The following ADARB2 variants were observed in gnomAD, a reference collection of about 807,000 sequenced individuals.
ADARB2 encodes the protein inactive double-stranded RNA-specific editase B2.
In ADARB2, 25 loss-of-function variants were observed where a neutral mutation model predicts 62.2. The observed-to-expected ratio is 0.40, with a 90% confidence interval of 0.29 to 0.56. ADARB2 has a LOEUF of 0.56. ADARB2 is among the 20% of genes least tolerant of loss of function. The pLI, the probability that ADARB2 is intolerant of heterozygous loss-of-function variation, is 0.43. For missense variants in ADARB2, 1,071 were observed against 1,077.4 expected (o/e 0.99, Z 0.08); for synonymous variants, 572 against 500.8 (o/e 1.14, Z -1.90).
rs1417423831 is a variant in ADARB2, at chr10:1,179,071, T to C, written c.*4122A>G. ...TTATGTACGTCTCAAATGTCTTCAG[T>C]TGTTTTAAACAATACACTATAGACA... On this transcript the variant is annotated 3_prime_UTR_variant, in exon 10 of 10. Coordinates refer to ENST00000381312, the MANE Select transcript of ADARB2 (RefSeq NM_018702.4). 1 of 152,242 alleles carries C rather than the reference T, an allele frequency of 6.6e-6. No homozygotes were observed. Among genetic ancestry groups the C allele is most frequent in the Non-Finnish European group, 1.5e-5 (1 of 68,046 alleles). The allele number at this position is 152,242 out of a possible 1,614,324, so 9.4% of individuals were successfully genotyped here. A position where few individuals can be genotyped will look rare whatever the true frequency, so the allele number is the denominator to read the frequency against.
At chr10:1,481,086 A>G (rs1354759792) in intron 1 of ADARB2, among the ~76,000 whole-genome samples, 1 of 152,250 alleles carries the variant, frequency 6.6e-6, no homozygotes, top group African/African-American at 2.4e-5. Flanking sequence ...CAAAGCTACA[A>G]ATCAAAACAG....
chr10:1,579,485 A>T (rs11250640), intron 1 of ADARB2, among the ~76,000 whole-genome samples: 29,877 of 152,102 alleles, frequency 0.2, 3,327 homozygotes, highest in East Asian at 0.38. Context: ...ACTCAGCTGT[A>T]AAGAGTACAT....
chr10:1,430,630 C>T (rs954631281), intron 1 of ADARB2, among the ~76,000 whole-genome samples: 1 of 152,030 alleles, frequency 6.6e-6, no homozygotes, highest in African/African-American at 2.4e-5. Flanking sequence ...ATAGCAGCTA[C>T]TTGGGAGGCT....
intron 2 of ADARB2, among the ~76,000 whole-genome samples, chr10:1,372,937 GA>G (rs1832385899): frequency 6.6e-6 from 1 of 152,080 alleles, no homozygotes; most frequent in African/African-American, 2.4e-5. Context: ...TCTAACCAAG[GA>G]GATGAAAGAT....
At chr10:1,272,114 C>A (rs1831268491) in intron 3 of ADARB2, among the ~76,000 whole-genome samples, 1 of 152,214 alleles carries the variant, frequency 6.6e-6, no homozygotes, top group African/African-American at 2.4e-5. Flanking sequence ...TCATTATCAT[C>A]ATCTCCCCCA....
intron 1 of ADARB2, among the ~76,000 whole-genome samples, chr10:1,681,430 T>G (rs1472120744): frequency 6.6e-6 from 1 of 152,038 alleles, no homozygotes. Context: ...CATTTCTTCC[T>G]GTGACGAGAA....
intron 7 of ADARB2, chr10:1,215,689 C>G (rs1837223796): frequency 6.6e-6 from 1 of 152,256 alleles, no homozygotes; most frequent in African/African-American, 2.4e-5. Context: ...CAAGGGTGTT[C>G]TGGGTCCCTC....
intron 3 of ADARB2, among the ~76,000 whole-genome samples, chr10:1,293,976 G>T (rs1331782338): frequency 6.6e-6 from 1 of 151,972 alleles, no homozygotes; most frequent in Admixed American, 6.5e-5. Flanking sequence ...TTGCAGGGGG[G>T]CGGGGGCATG....
At chr10:1,376,505 G>A (rs923980938) in intron 2 of ADARB2, among the ~76,000 whole-genome samples, 1 of 152,172 alleles carries the variant, frequency 6.6e-6, no homozygotes, top group Non-Finnish European at 1.5e-5. Context: ...CCCAGTGTGG[G>A]GGTTCTTATG....
chr10:1,517,326 T>G (rs1054902332), intron 1 of ADARB2, among the ~76,000 whole-genome samples: 2 of 152,230 alleles, frequency 1.3e-5, no homozygotes, highest in Non-Finnish European at 2.9e-5. Flanking sequence ...TGTCCTTCTT[T>G]ATATTCTCAC....
chr10:1,323,324 A>C (rs965358279), intron 3 of ADARB2, among the ~76,000 whole-genome samples: 1 of 152,084 alleles, frequency 6.6e-6, no homozygotes, highest in Non-Finnish European at 1.5e-5. Flanking sequence ...AAATCAAAGA[A>C]GACCTAAATT....
intron 1 of ADARB2, among the ~76,000 whole-genome samples, chr10:1,518,118 GT>G (rs1457602748): frequency 1.3e-5 from 2 of 152,192 alleles, no homozygotes; most frequent in Admixed American, 6.5e-5. Context: ...AGGCCAACCC[GT>G]TAGAAAAGCA....
At chr10:1,315,602 AG>A (rs1310301465) in intron 3 of ADARB2, among the ~76,000 whole-genome samples, 4 of 152,200 alleles carry the variant, frequency 2.6e-5, no homozygotes, top group African/African-American at 9.6e-5. Flanking sequence ...CCAGGAAGGG[AG>A]GTGCCGTGGT....
At chr10:1,511,976 T>C (rs1212459824) in intron 1 of ADARB2, among the ~76,000 whole-genome samples, 2 of 145,172 alleles carry the variant, frequency 1.4e-5, no homozygotes, top group African/African-American at 2.6e-5. Flanking sequence ...GCTGTCTACA[T>C]TGGATACTAA....
chr10:1,490,736 T>G (rs1831611529), intron 1 of ADARB2, among the ~76,000 whole-genome samples: 1 of 152,220 alleles, frequency 6.6e-6, no homozygotes, highest in Non-Finnish European at 1.5e-5. Context: ...ATCACCCGCC[T>G]GAGCCAAGAC....
At chr10:1,665,854 A>G (rs942080436) in intron 1 of ADARB2, among the ~76,000 whole-genome samples, 2 of 152,166 alleles carry the variant, frequency 1.3e-5, no homozygotes, top group Non-Finnish European at 2.9e-5. Flanking sequence ...GGTTTGCAGC[A>G]TCTCAGGGCT....
intron 1 of ADARB2, among the ~76,000 whole-genome samples, chr10:1,654,004 G>T (rs1834145952): frequency 6.6e-6 from 1 of 152,042 alleles, no homozygotes; most frequent in African/African-American, 2.4e-5. Context: ...AGCTGCCCCG[G>T]GGGTCCTGGG....
At chr10:1,695,011 G>A (rs1012761032) in intron 1 of ADARB2, among the ~76,000 whole-genome samples, 2 of 152,212 alleles carry the variant, frequency 1.3e-5, no homozygotes, top group Non-Finnish European at 2.9e-5. Flanking sequence ...CAGGGGCAGC[G>A]AGATGAACAG....
intron 1 of ADARB2, among the ~76,000 whole-genome samples, chr10:1,552,806 A>G (rs777371870): frequency 2.0e-5 from 3 of 152,168 alleles, no homozygotes; most frequent in Non-Finnish European, 2.9e-5. Flanking sequence ...GTCCTGCCGG[A>G]CACTCACCCC....
Sources: gnomAD v4.1 joint callset for allele counts (sites outside exome capture counted in the v4.1 genomes callset) on GRCh38, gnomAD v4.1.1 for gene constraint, MANE v1.5 for transcripts, NCBI Gene and HGNC (gene_info 2026-07-23, HGNC 2026-07-21) for gene names.